CIMIP3: variants seen among roughly 807,000 people sequenced by gnomAD.
CIMIP3 encodes GUCA1A neighbor.
At chr6:42,163,276 C>T in the CIMIP3 span, 9 of 539,290 alleles carry the variant, frequency 1.7e-5, no homozygotes, top group South Asian at 2.2e-4. Flanking sequence ...AGCCCCCGAC[C>T]CTTCACCCTC....
the CIMIP3 span, chr6:42,162,856 T>G: frequency 1.7e-6 from 1 of 589,250 alleles, no homozygotes; most frequent in Non-Finnish European, 3.1e-6. Context: ...CTTCTGCCCC[T>G]GGCATAGCAG....
the CIMIP3 span, among the ~76,000 whole-genome samples, chr6:42,157,690 A>C: frequency 6.6e-6 from 1 of 152,004 alleles, no homozygotes; most frequent in Non-Finnish European, 1.5e-5. Flanking sequence ...ACGCTGGCCC[A>C]GTGAGGGATA....
chr6:42,159,884 G>C, the CIMIP3 span, among the ~76,000 whole-genome samples: 1 of 152,198 alleles, frequency 6.6e-6, no homozygotes, highest in East Asian at 1.9e-4. Context: ...ATTACAAGTG[G>C]GGCTAATAAT....
At chr6:42,162,286 T>A in the CIMIP3 span, among the ~76,000 whole-genome samples, 6 of 149,396 alleles carry the variant, frequency 4.0e-5, no homozygotes, top group Non-Finnish European at 7.5e-5. Flanking sequence ...TGGTGGCGGG[T>A]GCCTGTAATC....
chr6:42,158,434 C>T, the CIMIP3 span, among the ~76,000 whole-genome samples: 2 of 152,184 alleles, frequency 1.3e-5, no homozygotes, highest in East Asian at 1.9e-4. Flanking sequence ...TCCGGGGACC[C>T]TGGCTGTCCC....
the CIMIP3 span, chr6:42,162,918 A>G: frequency 3.2e-6 from 2 of 628,222 alleles, no homozygotes; most frequent in Admixed American, 2.5e-5. Context: ...CCCCCCTCCC[A>G]GGACTCACAG....
the CIMIP3 span, chr6:42,163,004 C>G: frequency 1.4e-6 from 1 of 716,586 alleles, no homozygotes; most frequent in South Asian, 1.5e-5. Flanking sequence ...GTCCCGGCCC[C>G]GGGCGTGGAA....
the CIMIP3 span, among the ~76,000 whole-genome samples, chr6:42,159,184 C>T: frequency 6.6e-6 from 1 of 152,192 alleles, no homozygotes; most frequent in Admixed American, 6.5e-5. Flanking sequence ...TGACTGGAGA[C>T]ATTTTTGTTG....
the CIMIP3 span, chr6:42,163,065 A>T: frequency 4.2e-6 from 3 of 716,860 alleles, no homozygotes; most frequent in Admixed American, 4.0e-5. Context: ...GTCGTTGTGG[A>T]CTCTAAGGGG....
the CIMIP3 span, chr6:42,155,652 G>C: frequency 1.4e-6 from 1 of 717,042 alleles, no homozygotes; most frequent in Non-Finnish European, 2.6e-6. Context: ...TGCCTGCCTT[G>C]TACTCCCCAG....
the CIMIP3 span, among the ~76,000 whole-genome samples, chr6:42,162,389 T>G: frequency 6.9e-5 from 10 of 145,958 alleles, no homozygotes; most frequent in South Asian, 2.2e-4. Context: ...TACTCCAGCC[T>G]GGGCAACAAG....
chr6:42,156,887 TCACCA>T, the CIMIP3 span, among the ~76,000 whole-genome samples: 2 of 152,188 alleles, frequency 1.3e-5, no homozygotes, highest in Admixed American at 1.3e-4. Context: ...CTGGGGGCCC[TCACCA>T]GCCTTCACAC....
the CIMIP3 span, chr6:42,162,956 A>C: frequency 6.2e-5 from 43 of 695,500 alleles, no homozygotes; most frequent in African/African-American, 7.2e-4. Flanking sequence ...TCATGGGCCA[A>C]AGACACCGTC....
the CIMIP3 span, among the ~76,000 whole-genome samples, chr6:42,162,090 C>CTTTTTTTT: frequency 7.9e-5 from 5 of 63,086 alleles, no homozygotes; most frequent in African/African-American, 2.9e-4. Flanking sequence ...AAGCCACATT[C>CTTTTTTTT]TTTTTTTTTT....
chr6:42,161,891 C>G, the CIMIP3 span, among the ~76,000 whole-genome samples: 2 of 151,908 alleles, frequency 1.3e-5, no homozygotes, highest in Admixed American at 1.3e-4. Context: ...GATAGTTGCC[C>G]TCAAGGAGCT....
At chr6:42,162,913 C>A in the CIMIP3 span, 12 of 619,798 alleles carry the variant, frequency 1.9e-5, no homozygotes, top group Middle Eastern at 2.5e-4. Context: ...TCTTTCCCCC[C>A]TCCCAGGACT....
chr6:42,159,999 T>C, the CIMIP3 span, among the ~76,000 whole-genome samples: 95,000 of 151,966 alleles, frequency 0.63, 29,970 homozygotes, highest in South Asian at 0.7. Context: ...TCTTTTGTTT[T>C]TTTTGAGATG....
the CIMIP3 span, among the ~76,000 whole-genome samples, chr6:42,156,792 G>A: frequency 1.6e-4 from 24 of 152,226 alleles, no homozygotes; most frequent in Non-Finnish European, 2.8e-4. Context: ...GCCCAAGGTC[G>A]CCTGACCTGT....
the CIMIP3 span, among the ~76,000 whole-genome samples, chr6:42,157,495 C>T: frequency 6.6e-6 from 1 of 152,064 alleles, no homozygotes; most frequent in African/African-American, 2.4e-5. Flanking sequence ...AGTGATCTGC[C>T]CACCTCAGCC....
Sources: allele counts gnomAD v4.1 joint callset (sites outside exome capture counted in the v4.1 genomes callset), GRCh38; gene constraint gnomAD v4.1.1; transcripts MANE v1.5; gene names NCBI Gene and HGNC (gene_info 2026-07-23, HGNC 2026-07-21).